The following OR1D2 variants were observed in gnomAD, a reference collection of about 807,000 sequenced individuals.
The protein encoded by OR1D2 is olfactory receptor family 1 subfamily D member 2.
For missense variants in OR1D2, 357 were observed against 376.1 expected, an observed-to-expected ratio of 0.95 and a Z score of 0.42; for synonymous variants, 157 against 153.9, an observed-to-expected ratio of 1.02 and a Z score of -0.15.
At chr17:3,097,496 A>C (rs1200062195) in intron 1 of OR1D2, among the ~76,000 whole-genome samples, 44 of 152,272 alleles carry the variant, frequency 2.9e-4, no homozygotes, top group African/African-American at 1.0e-3. Context: ...TGAGCATGCT[A>C]CCCAGCCAGG....
intron 1 of OR1D2, among the ~76,000 whole-genome samples, chr17:3,102,786 G>C (rs978076395): frequency 2.0e-5 from 3 of 152,268 alleles, no homozygotes; most frequent in Admixed American, 2.0e-4. Flanking sequence ...CTTGGAAGGG[G>C]CCTGTGATGG....
intron 1 of OR1D2, among the ~76,000 whole-genome samples, chr17:3,101,043 C>CA (rs1339054968): frequency 6.6e-6 from 1 of 151,878 alleles, no homozygotes; most frequent in Non-Finnish European, 1.5e-5. Flanking sequence ...GCCTACCAAC[C>CA]AAAAAAAGCC....
chr17:3,096,266 ACAATT>A (rs1597254965), intron 1 of OR1D2, among the ~76,000 whole-genome samples: 2 of 152,206 alleles, frequency 1.3e-5, no homozygotes, highest in Non-Finnish European at 2.9e-5. Flanking sequence ...AATGCATAGA[ACAATT>A]CAATCAAAAG....
intron 1 of OR1D2, among the ~76,000 whole-genome samples, chr17:3,103,767 C>T (rs946206346): frequency 6.6e-6 from 1 of 152,090 alleles, no homozygotes; most frequent in Non-Finnish European, 1.5e-5. Flanking sequence ...AGTGGAAACA[C>T]TGGGCTTTGT....
At chr17:3,098,955 T>G (rs774566971) in intron 1 of OR1D2, among the ~76,000 whole-genome samples, 1 of 151,754 alleles carries the variant, frequency 6.6e-6, no homozygotes, top group Non-Finnish European at 1.5e-5. Context: ...CTTGCTGAAA[T>G]AAGGGATGCA....
At chr17:3,103,334 G>C (rs1346925775) in intron 1 of OR1D2, among the ~76,000 whole-genome samples, 2 of 151,934 alleles carry the variant, frequency 1.3e-5, no homozygotes, top group East Asian at 3.9e-4. Context: ...TCCACCTCCC[G>C]GGTTCAAGCC....
chr17:3,098,089 C>T (rs115693366), intron 1 of OR1D2, among the ~76,000 whole-genome samples: 1 of 152,312 alleles, frequency 6.6e-6, no homozygotes, highest in African/African-American at 2.4e-5. Context: ...TTAGCCTTTC[C>T]TCCTGGTAGT....
chr17:3,100,340 G>T (rs1302157423), intron 1 of OR1D2, among the ~76,000 whole-genome samples: 1 of 152,166 alleles, frequency 6.6e-6, no homozygotes, highest in Non-Finnish European at 1.5e-5. Context: ...AGACCACAGT[G>T]CCATCAAATT....
At chr17:3,098,523 G>T (rs2047858326) in intron 1 of OR1D2, among the ~76,000 whole-genome samples, 1 of 152,182 alleles carries the variant, frequency 6.6e-6, no homozygotes, top group South Asian at 2.1e-4. Context: ...AGGGGCGGCA[G>T]CCTCAAAGAT....
rs572351980 is a variant in OR1D2, at chr17:3,089,165, A to G, written c.*2893T>C. On this transcript the variant is annotated 3_prime_UTR_variant, in exon 2 of 2. Transcript: ENST00000641833. Reference sequence around the variant, plus strand: ...GCTACTTATCAGATTGTTTTTGTCCATGGGATCCCCCCTTGATATGGGGCT... The same window carrying G: ...GCTACTTATCAGATTGTTTTTGTCCGTGGGATCCCCCCTTGATATGGGGCT... The G allele has an allele frequency of 6.6e-6, 1 of 152,302 alleles. No homozygotes were observed. Among genetic ancestry groups the G allele is most frequent in the East Asian group, 1.9e-4 (1 of 5,172 alleles). The allele number at this position is 152,302 out of a possible 1,614,324, so 9.4% of individuals were successfully genotyped here.
chr17:3,092,004 T>A lies in OR1D2; in HGVS notation c.*54A>T, dbSNP rs2047812108. The A allele has an allele frequency of 4.5e-6, 6 of 1,329,246 alleles. No individual in the cohort carries two copies. The highest frequency in any genetic ancestry group is 1.9e-5 in the Admixed American group (1 of 51,804). The allele number at this position is 1,329,246 out of a possible 1,614,324, so 82.3% of individuals were successfully genotyped here. On this transcript the variant is annotated 3_prime_UTR_variant, in exon 2 of 2. Coordinates refer to ENST00000641833, the MANE Select transcript of OR1D2 (RefSeq NM_002548.3). ...ATAACACACAGGACAATCCCTTACATAGGGTGAAGGATATTCCTAGTCTCC... is the reference window on the plus strand; with the variant it reads ...ATAACACACAGGACAATCCCTTACAAAGGGTGAAGGATATTCCTAGTCTCC...
intron 1 of OR1D2, among the ~76,000 whole-genome samples, chr17:3,095,135 A>T (rs2047837611): frequency 6.6e-6 from 1 of 152,124 alleles, no homozygotes; most frequent in Non-Finnish European, 1.5e-5. Flanking sequence ...AAATTTGTTT[A>T]AAAAACTACA....
At chr17:3,102,454 C>CACAT (rs1224907847) in intron 1 of OR1D2, among the ~76,000 whole-genome samples, 4 of 152,196 alleles carry the variant, frequency 2.6e-5, no homozygotes, top group Non-Finnish European at 5.9e-5. Context: ...ATTAGACACA[C>CACAT]ACATACATAC....
intron 1 of OR1D2, among the ~76,000 whole-genome samples, chr17:3,094,371 A>C (rs978536156): frequency 6.6e-6 from 1 of 152,144 alleles, no homozygotes; most frequent in Non-Finnish European, 1.5e-5. Context: ...AATGTTTAAA[A>C]AATCAAAAAA....
At chr17:3,101,306 T>C (rs1176160243) in intron 1 of OR1D2, among the ~76,000 whole-genome samples, 1 of 152,116 alleles carries the variant, frequency 6.6e-6, no homozygotes, top group East Asian at 1.9e-4. Context: ...CAATAGCACA[T>C]CAAAAAGCTT....
At position 3,092,371 on chromosome 17, in the gene OR1D2, A is replaced by G; in HGVS notation, c.626T>C (p.Ile209Thr). Residue 209 changes from isoleucine (I) to threonine (T), a missense_variant, in exon 2 of 2, where the codon ATT becomes ACT. Ile to Thr is a moderately conservative substitution (Grantham distance 89, BLOSUM62 -1). Transcript: ENST00000641833. ...LIATGCFIFL[I>T]PFGFVIISYV... Reference sequence around the variant, plus strand: ...GGAAATGATCACGAATCCAAAGGGAATGAGGAAGATGAAGCAGCCTGTGGC... The same window carrying G: ...GGAAATGATCACGAATCCAAAGGGAGTGAGGAAGATGAAGCAGCCTGTGGC... 2 of 1,614,210 alleles carry G rather than the reference A, an allele frequency of 1.2e-6. No individual in the cohort carries two copies. The highest frequency in any genetic ancestry group is 1.7e-6 in the Non-Finnish European group (2 of 1,180,020).
intron 1 of OR1D2, among the ~76,000 whole-genome samples, chr17:3,095,739 AC>A (rs925500368): frequency 1.3e-5 from 2 of 152,052 alleles, no homozygotes; most frequent in African/African-American, 4.8e-5. Context: ...TTATTTAAAC[AC>A]CATTTATGTA....
rs1275658815 is a variant in OR1D2, at chr17:3,092,510, TGAG to T, written c.484_486del (p.Leu162del). The T allele has an allele frequency of 6.2e-7, 1 of 1,613,778 alleles. No individual in the cohort carries two copies. The highest frequency in any genetic ancestry group is 8.5e-7 in the Non-Finnish European group (1 of 1,179,974). ...GACCCACAGAAGGTCACTCTGGTCA[TGAG>T]GAGGGTGTGTATGAGGCCATAGAGG... On this transcript the variant is annotated inframe_deletion, in exon 2 of 2. Transcript: ENST00000641833.
intron 1 of OR1D2, among the ~76,000 whole-genome samples, chr17:3,102,328 T>G (rs1375757089): frequency 6.6e-6 from 1 of 152,152 alleles, no homozygotes; most frequent in Non-Finnish European, 1.5e-5. Flanking sequence ...ATGTAGCAAG[T>G]TAAACTCCTA....
Sources: gnomAD v4.1 joint callset for allele counts (sites outside exome capture counted in the v4.1 genomes callset) on GRCh38, gnomAD v4.1.1 for gene constraint, MANE v1.5 for transcripts, NCBI Gene and HGNC (gene_info 2026-07-23, HGNC 2026-07-21) for gene names.